Variants in DPP10 observed in about 807,000 individuals in gnomAD.
The protein encoded by DPP10 is inactive dipeptidyl peptidase 10.
A neutral mutation model predicts 120.9 loss-of-function variants in DPP10; 33 were observed. The observed-to-expected ratio is 0.27, with a 90% CI of 0.21 to 0.37. DPP10 has a LOEUF of 0.37. Ranked by LOEUF, DPP10 falls within the 10% of genes least tolerant of loss-of-function variation. The probability of loss-of-function intolerance (pLI) is 1.00; values close to 1 mark genes in which losing one functional copy is unlikely to be tolerated. For missense variants in DPP10, 816 were observed against 942.8 expected, an observed-to-expected ratio of 0.87 and a Z score of 1.76; for synonymous variants, 337 against 326.1, an observed-to-expected ratio of 1.03 and a Z score of -0.36.
chr2:115,286,540 T>TATATATATATATATATAA (rs1559367032), intron 1 of DPP10, among the ~76,000 whole-genome samples: 36 of 107,310 alleles, frequency 3.4e-4, no homozygotes, highest in Non-Finnish European at 1.9e-4. Flanking sequence ...TATATATATA[T>TATATATATATATATATAA]AAAATATATA....
chr2:114,601,465 T>G (rs908948323), intron 1 of DPP10, among the ~76,000 whole-genome samples: 2 of 151,898 alleles, frequency 1.3e-5, no homozygotes, highest in Non-Finnish European at 2.9e-5. Flanking sequence ...TACAGTTGTG[T>G]TTTTTTCTTC....
In DPP10 at chr2:114,886,682, AG is replaced by A. The variant is rs1416369268; in HGVS notation, c.61-422556del. 4.6e-5 allele frequency among the ~76,000 whole-genome samples: 7 copies of A among 152,286 alleles called. No homozygotes were observed. The South Asian group carries it at 6.2e-4, about 14-fold the overall frequency. On this transcript the variant is annotated intron_variant, in intron 1 of 25. Transcript: ENST00000410059. ...TATTTTATTTACATAAATTATCAAAAGTCTGTTATGGATATATTTGCCTCTG... is the reference window on the plus strand; with the variant it reads ...TATTTTATTTACATAAATTATCAAAATCTGTTATGGATATATTTGCCTCTG...
At chr2:114,623,644 T>A (rs1009860613) in intron 1 of DPP10, among the ~76,000 whole-genome samples, 1 of 152,084 alleles carries the variant, frequency 6.6e-6, no homozygotes, top group Non-Finnish European at 1.5e-5. Context: ...AAATGACCTA[T>A]AAAATAGTTC....
At chr2:114,771,192 A>T (rs1435567276) in intron 1 of DPP10, among the ~76,000 whole-genome samples, 1 of 152,220 alleles carries the variant, frequency 6.6e-6, no homozygotes, top group Non-Finnish European at 1.5e-5. Flanking sequence ...TTTATGTGTT[A>T]ACTGAGAAGA....
At chr2:114,854,353 A>G (rs1689203624) in intron 1 of DPP10, among the ~76,000 whole-genome samples, 1 of 152,212 alleles carries the variant, frequency 6.6e-6, no homozygotes, top group African/African-American at 2.4e-5. Context: ...TAAATATTAG[A>G]GTTTATATCT....
chr2:115,516,968 T>G (rs1229390081), intron 4 of DPP10, among the ~76,000 whole-genome samples: 1 of 152,164 alleles, frequency 6.6e-6, no homozygotes, highest in Non-Finnish European at 1.5e-5. Context: ...GATGTTACCA[T>G]GTATTGGAAA....
chr2:115,801,918 G>T (rs1685292617), intron 19 of DPP10, among the ~76,000 whole-genome samples: 1 of 152,146 alleles, frequency 6.6e-6, no homozygotes, highest in Admixed American at 6.5e-5. Context: ...TCTCTGCTCG[G>T]CTTTGGTATC....
At chr2:115,808,066 G>T (rs949329269) in intron 19 of DPP10, among the ~76,000 whole-genome samples, 3 of 152,134 alleles carry the variant, frequency 2.0e-5, no homozygotes, top group Admixed American at 2.0e-4. Context: ...GAAGAAGCTC[G>T]TAAGATACCT....
intron 5 of DPP10, among the ~76,000 whole-genome samples, chr2:115,661,321 G>A (rs931050090): frequency 2.6e-5 from 4 of 152,068 alleles, no homozygotes; most frequent in African/African-American, 9.7e-5. Flanking sequence ...CCTTTCTATA[G>A]TTCCTGTATT....
At position 115,050,066 on chromosome 2, in the gene DPP10, C is replaced by G. The variant is rs540820219; in HGVS notation, c.61-259173C>G. 1.5e-4 allele frequency: 23 copies of G among 152,226 alleles called. No individual in the cohort carries two copies. In the South Asian group the frequency reaches 4.8e-3, roughly 32 times the overall value. 9.4% of individuals were successfully genotyped at this position (152,226 alleles called of 1,614,324 possible). On this transcript the variant is annotated intron_variant, in intron 1 of 25. Coordinates refer to ENST00000410059, the MANE Select transcript of DPP10 (RefSeq NM_020868.6). ...AGGGCAAAAAGGGCAGAGTAGGAAA[C>G]TTGAAAATTCATCTCCTCATAAAAA...
chr2:114,899,801 CA>C (rs201999739), intron 1 of DPP10, among the ~76,000 whole-genome samples: 2 of 150,204 alleles, frequency 1.3e-5, no homozygotes, highest in Non-Finnish European at 3.0e-5. Flanking sequence ...ACTAAAAATA[CA>C]AAAAAAAATT....
At chr2:115,823,899 A>G (rs976852934) in intron 21 of DPP10, among the ~76,000 whole-genome samples, 1 of 152,236 alleles carries the variant, frequency 6.6e-6, no homozygotes, top group Admixed American at 6.5e-5. Context: ...TCCTCAAGGA[A>G]AGAAAAGATG....
At chr2:114,467,353 C>T (rs1165637788) in intron 1 of DPP10, among the ~76,000 whole-genome samples, 2 of 152,196 alleles carry the variant, frequency 1.3e-5, no homozygotes, top group African/African-American at 4.8e-5. Context: ...CAGTTTTCAA[C>T]ACCACCCAAT....
At chr2:115,631,383 G>A (rs549239025) in intron 5 of DPP10, among the ~76,000 whole-genome samples, 25 of 151,828 alleles carry the variant, frequency 1.6e-4, no homozygotes, top group Admixed American at 7.2e-4. Context: ...TTGATTTTTT[G>A]AAGGGTTTTT....
chr2:114,594,878 T>G (rs1486022132), intron 1 of DPP10, among the ~76,000 whole-genome samples: 1 of 152,082 alleles, frequency 6.6e-6, no homozygotes, highest in Non-Finnish European at 1.5e-5. Context: ...GTCTCTGTGG[T>G]GCTTCTCGGT....
intron 1 of DPP10, among the ~76,000 whole-genome samples, chr2:114,615,848 A>G (rs1693634880): frequency 6.6e-6 from 1 of 152,150 alleles, no homozygotes; most frequent in South Asian, 2.1e-4. Flanking sequence ...GGCATTTCCT[A>G]TGTTCTAACA....
At chr2:115,134,051 A>G (rs920887766) in intron 1 of DPP10, among the ~76,000 whole-genome samples, 6 of 152,212 alleles carry the variant, frequency 3.9e-5, no homozygotes, top group African/African-American at 9.6e-5. Context: ...TAAAATGAGG[A>G]TGTTATTATC....
At position 115,171,265 on chromosome 2, in the gene DPP10, G is replaced by T. The variant is rs150334694; in HGVS notation, c.61-137974G>T. Among the ~76,000 whole-genome samples the T allele has an allele frequency of 0.01, 1,580 of 151,498 alleles. 90 individuals carry two copies. In the East Asian group the frequency reaches 0.16, roughly 15 times the overall value. On this transcript the variant is annotated intron_variant, in intron 1 of 25. Coordinates refer to ENST00000410059, the MANE Select transcript of DPP10 (RefSeq NM_020868.6). The stretch of plus-strand genomic sequence containing the variant: ...AATCCTAGCGACTCAGGAGGCTGAG[G>T]CTGGAGAATTGCTTGAACCCAGGAG...
chr2:115,535,742 T>A (rs996246798), intron 5 of DPP10, among the ~76,000 whole-genome samples: 1 of 151,802 alleles, frequency 6.6e-6, no homozygotes, highest in Non-Finnish European at 1.5e-5. Context: ...TTCCTACCCA[T>A]GAGCATGGAA....
Sources: gnomAD v4.1 joint callset for allele counts (sites outside exome capture counted in the v4.1 genomes callset) on GRCh38, gnomAD v4.1.1 for gene constraint, MANE v1.5 for transcripts, NCBI Gene and HGNC (gene_info 2026-07-23, HGNC 2026-07-21) for gene names.